The following SATB1 variants were observed in gnomAD, a reference collection of about 807,000 sequenced individuals.
SATB1 encodes SATB homeobox 1.
A neutral mutation model predicts 86.9 loss-of-function variants in SATB1; 11 were observed. The observed-to-expected ratio is 0.13, with a 90% CI of 0.08 to 0.21. The LOEUF is 0.21. Ranked by LOEUF, SATB1 falls within the 10% of genes least tolerant of loss-of-function variation. SATB1 has a pLI of 1.00. For missense variants in SATB1, 551 were observed against 937.6 expected (o/e 0.59, Z 5.39); for synonymous variants, 357 against 357.2 (o/e 1.00, Z 0.01).
intron 7 of SATB1, among the ~76,000 whole-genome samples, chr3:18,389,974 T>C (rs1559425551): frequency 6.6e-6 from 1 of 152,030 alleles, no homozygotes; most frequent in Non-Finnish European, 1.5e-5. Flanking sequence ...TAAGTCAGAG[T>C]TCTAATTTTT....
At chr3:18,400,106 C>G (rs759371606) in intron 5 of SATB1, among the ~76,000 whole-genome samples, 2 of 151,868 alleles carry the variant, frequency 1.3e-5, no homozygotes, top group African/African-American at 4.8e-5. Context: ...GAAAAAAACA[C>G]GTAATGTTTT....
At chr3:18,400,993 T>C (rs1697238621) in intron 5 of SATB1, among the ~76,000 whole-genome samples, 1 of 152,204 alleles carries the variant, frequency 6.6e-6, no homozygotes, top group South Asian at 2.1e-4. Flanking sequence ...ACACCACTCC[T>C]CTGGCTTGGA....
At chr3:18,405,641 A>T (rs966314278) in intron 5 of SATB1, among the ~76,000 whole-genome samples, 2 of 151,962 alleles carry the variant, frequency 1.3e-5, no homozygotes, top group African/African-American at 4.8e-5. Context: ...AGCTCTTTAC[A>T]GGGCCACAGA....
Position 18,349,463 on chromosome 3 carries a change from C to T in SATB1, c.1999G>A (p.Gly667Ser), listed in dbSNP as rs772952860. ...ATGGCCTCTTCGTCAGGGTACAGGC[C>T]CACGTCTTGTATGAAACTCTGGAGG... ...GILQSFIQDVGLYPDEEAIQT... is the reference protein window; with the variant it reads ...GILQSFIQDVSLYPDEEAIQT... Residue 667 changes from glycine (G) to serine (S), a missense_variant, in exon 11 of 11, where the codon GGC becomes AGC. By Grantham distance (56) the Gly-to-Ser change is moderately conservative (BLOSUM62 0). This residue lies in a region of SATB1 where 33 missense variants were observed against 85.4 expected (regional missense o/e 0.39). Transcript: ENST00000338745. This position sits in a 1 kb window ranked among gnomAD's most constrained non-coding sequence, Gnocchi z 5.5. 4 of 1,614,132 alleles carry T rather than the reference C, an allele frequency of 2.5e-6. No individual in the cohort carries two copies. Among genetic ancestry groups the T allele is most frequent in the Middle Eastern group, 1.7e-4 (1 of 6,060 alleles).
chr3:18,394,588 A>G lies in SATB1; in HGVS notation c.1080T>C (p.Pro360=), dbSNP rs758449498. The G allele has an allele frequency of 6.2e-7, 1 of 1,614,128 alleles. No individual in the cohort carries two copies. The highest frequency in any genetic ancestry group is 8.5e-7 in the Non-Finnish European group (1 of 1,180,018). ...TGTTGGTCGAAACCTGTTGCTCCAAAGGCTTATTCATAGATCTACTGACAG... is the reference window on the plus strand; with the variant it reads ...TGTTGGTCGAAACCTGTTGCTCCAAGGGCTTATTCATAGATCTACTGACAG... ...PPPVSRSMNK[P]LEQQVSTNTE... The change falls in exon 7 of 11, where the codon CCT becomes CCC. Residue 360 remains proline (P), a synonymous_variant. Transcript: ENST00000338745. This position sits in a 1 kb window ranked among gnomAD's most constrained non-coding sequence, Gnocchi z 5.9.
chr3:18,429,724 A>G (rs1698827462), upstream of SATB1, among the ~76,000 whole-genome samples: 1 of 152,184 alleles, frequency 6.6e-6, no homozygotes, highest in South Asian at 2.1e-4. The surrounding 1 kb of genome is among the most constrained non-coding windows in gnomAD (Gnocchi z 4.1). Flanking sequence ...CCCCCATTAT[A>G]TACCCTCACA....
intron 9 of SATB1, among the ~76,000 whole-genome samples, chr3:18,362,858 T>G (rs1328090276): frequency 4.2e-4 from 1 of 2,364 alleles, no homozygotes; most frequent in Non-Finnish European, 2.0e-3. Flanking sequence ...ATATGCCATG[T>G]GCAAAAAAAA....
chr3:18,420,799 A>C lies in SATB1; in HGVS notation c.169T>G (p.Leu57Val). 1.2e-6 allele frequency: 2 copies of C among 1,614,086 alleles called. No individual in the cohort carries two copies. The highest frequency in any genetic ancestry group is 1.7e-6 in the Non-Finnish European group (2 of 1,180,014). ...TTCATCAGATGGCCCGAGTGTTTTA[A>C]AGGCACTCCCTGCATTTTTGCACCT... ...STGAKMQGVP[L>V]KHSGHLMKTN... The change falls in exon 2 of 11, where the codon TTA becomes GTA. Residue 57 changes from leucine (L) to valine (V), a missense_variant. Coordinates refer to ENST00000338745, the MANE Select transcript of SATB1 (RefSeq NM_002971.6).
intron 10 of SATB1, chr3:18,351,178 C>A: frequency 1.4e-6 from 1 of 719,040 alleles, no homozygotes. Context: ...GCTGCATCTG[C>A]TGGCACAGTG....
chr3:18,438,945 C>A (rs1394240416), upstream of SATB1, among the ~76,000 whole-genome samples: 1 of 152,214 alleles, frequency 6.6e-6, no homozygotes, highest in Non-Finnish European at 1.5e-5. Context: ...ATCTGGGGAC[C>A]TGCACCCCTA....
At chr3:18,364,053 C>T (rs1369304788) in intron 9 of SATB1, among the ~76,000 whole-genome samples, 1 of 152,018 alleles carries the variant, frequency 6.6e-6, no homozygotes, top group African/African-American at 2.4e-5. Context: ...AGCAAGCATA[C>T]CAAAATGCAA....
At chr3:18,420,518 C>T (rs1026712374) in intron 2 of SATB1, among the ~76,000 whole-genome samples, 7 of 152,144 alleles carry the variant, frequency 4.6e-5, no homozygotes, top group Non-Finnish European at 7.3e-5. Flanking sequence ...TTAATTCAGT[C>T]CTTATTACCC....
rs1696336140 is a variant in SATB1, at chr3:18,386,265, C to A, written c.1419+134G>T. On this transcript the variant is annotated intron_variant, in intron 8 of 10. Coordinates refer to ENST00000338745, the MANE Select transcript of SATB1 (RefSeq NM_002971.6). The surrounding 1 kb of genome is among the most constrained non-coding windows in gnomAD (Gnocchi z 4.5). Reference sequence around the variant, plus strand: ...AGAATTAATGATTTGGGACCAAATTCTCCTCAAGCAACTATACGAATTTAA... The same window carrying A: ...AGAATTAATGATTTGGGACCAAATTATCCTCAAGCAACTATACGAATTTAA... 2 of 693,744 alleles carry A rather than the reference C, an allele frequency of 2.9e-6. No individual in the cohort carries two copies. The highest frequency in any genetic ancestry group is 4.8e-6 in the Non-Finnish European group (2 of 415,772). The allele number at this position is 693,744 out of a possible 1,614,324, so 43.0% of individuals were successfully genotyped here.
chr3:18,353,538 GT>G (rs528864986), intron 9 of SATB1, among the ~76,000 whole-genome samples: 4,179 of 150,216 alleles, frequency 0.028, 138 homozygotes, highest in African/African-American at 0.08. Context: ...TGGAAGTATA[GT>G]TTTTTTTTTA....
chr3:18,445,354 T>G (rs1575197231), intron 1 of SATB1: 1 of 923,488 alleles, frequency 1.1e-6, no homozygotes. Flanking sequence ...CCGGCCGGGG[T>G]GTGGGGGGCG....
At chr3:18,411,179 A>G (rs1006694253) in intron 5 of SATB1, 4 of 326,758 alleles carry the variant, frequency 1.2e-5, no homozygotes, top group Non-Finnish European at 2.2e-5. Flanking sequence ...CCCACTTTAT[A>G]TGACTTGGCT....
intron 10 of SATB1, 199 bp downstream of exon 10, chr3:18,351,793 A>G: frequency 1.7e-6 from 1 of 585,566 alleles, no homozygotes; most frequent in Non-Finnish European, 3.0e-6. Context: ...GGAGATGAGG[A>G]AAGAGGAACA....
At chr3:18,382,448 T>G (rs749002468) in intron 8 of SATB1, among the ~76,000 whole-genome samples, 1 of 152,210 alleles carries the variant, frequency 6.6e-6, no homozygotes, top group Non-Finnish European at 1.5e-5. Flanking sequence ...TTAAAAAGTA[T>G]ACCCTTACGG....
chr3:18,408,526 T>C (rs1697665792), intron 5 of SATB1, among the ~76,000 whole-genome samples: 3 of 152,018 alleles, frequency 2.0e-5, no homozygotes, highest in African/African-American at 2.4e-5. Flanking sequence ...CTTACTTCAA[T>C]TGGCAATGAG....
Sources: gnomAD v4.1 joint callset for allele counts (sites outside exome capture counted in the v4.1 genomes callset) on GRCh38, gnomAD v4.1.1 for gene constraint, gnomAD v4.1.1 regional missense constraint, Gnocchi (gnomAD v3.1) non-coding constraint, MANE v1.5 for transcripts, NCBI Gene and HGNC (gene_info 2026-07-23, HGNC 2026-07-21) for gene names.